AGPS: variants seen among roughly 807,000 people sequenced by gnomAD.
AGPS encodes alkyldihydroxyacetonephosphate synthase, peroxisomal.
AGPS carries 26 observed loss-of-function variants against 90.7 expected under a neutral mutation model. The ratio of observed to expected loss-of-function variants is 0.29; its 90% CI spans 0.21 to 0.40. The LOEUF is 0.40. Among genes scored for constraint, AGPS ranks in the 10% least tolerant of loss-of-function variants. The pLI, the probability that AGPS is intolerant of heterozygous loss-of-function variation, is 1.00. For missense variants in AGPS, 540 were observed against 816.1 expected, an observed-to-expected ratio of 0.66 and a Z score of 4.12; for synonymous variants, 294 against 285.3, an observed-to-expected ratio of 1.03 and a Z score of -0.31.
chr2:177,521,063 T>C (rs1228019591), intron 17 of AGPS, among the ~76,000 whole-genome samples: 1 of 152,212 alleles, frequency 6.6e-6, no homozygotes, highest in Non-Finnish European at 1.5e-5. Context: ...AAAATTCTTG[T>C]TTTGCACTGC....
At chr2:177,462,051 G>T in intron 9 of AGPS, 33 bp downstream of exon 9, 1 of 1,502,818 alleles carries the variant, frequency 6.7e-7, no homozygotes, top group South Asian at 1.1e-5. Context: ...TGTAATAATT[G>T]ATTAGTATAT....
At chr2:177,472,682 C>T (rs1687664179) in intron 10 of AGPS, among the ~76,000 whole-genome samples, 1 of 152,114 alleles carries the variant, frequency 6.6e-6, no homozygotes, top group African/African-American at 2.4e-5. Flanking sequence ...TCTTTCCTGA[C>T]ACTTCTACCC....
chr2:177,481,442 G>A (rs929524809), intron 10 of AGPS, among the ~76,000 whole-genome samples: 1 of 150,146 alleles, frequency 6.7e-6, no homozygotes, highest in Admixed American at 6.6e-5. Flanking sequence ...TTTTTAAAGA[G>A]CATTTCTTTT....
chr2:177,437,160 A>G lies in AGPS; in HGVS notation c.637+106A>G, dbSNP rs192600490. Reference sequence around the variant, plus strand: ...GGCATATGAGTTGTAAAAAATATAAATTGCTGTATTTTTAAGAGAGTTTAC... The same window carrying G: ...GGCATATGAGTTGTAAAAAATATAAGTTGCTGTATTTTTAAGAGAGTTTAC... On this transcript the variant is annotated intron_variant, in intron 5 of 19. Transcript: ENST00000264167. The G allele has an allele frequency of 3.2e-3, 3,476 of 1,076,276 alleles. 14 individuals carry two copies. Among genetic ancestry groups the G allele is most frequent in the Non-Finnish European group, 4.1e-3 (2,873 of 704,194 alleles). 66.7% of individuals were successfully genotyped at this position (1,076,276 alleles called of 1,614,324 possible).
chr2:177,460,008 C>T (rs1687243872), intron 8 of AGPS, among the ~76,000 whole-genome samples: 1 of 152,282 alleles, frequency 6.6e-6, no homozygotes, highest in Non-Finnish European at 1.5e-5. Flanking sequence ...AGTTCATGTC[C>T]TTTGTGGGGA....
chr2:177,464,233 G>A (rs1687382352), intron 9 of AGPS, among the ~76,000 whole-genome samples: 1 of 152,154 alleles, frequency 6.6e-6, no homozygotes. Context: ...GAGCCACCGT[G>A]CCCAGCCAGC....
rs761638262 is a variant in AGPS at position 177,482,162 on chromosome 2, C to T, written c.1209C>T (p.Ala403=). 84 of 1,597,476 alleles carry T rather than the reference C, an allele frequency of 5.3e-5. No homozygotes were observed. Among genetic ancestry groups the T allele is most frequent in the Middle Eastern group, 1.7e-4 (1 of 5,948 alleles). ...VAFPNFEQGV[A]CLREIAKQRC... ...TCCCTAATTTTGAACAAGGAGTAGC[C>T]TGTTTAAGAGAAATTGCAAAACAGG... is the stretch of plus-strand genomic sequence containing the variant. The change falls in exon 11 of 20, where the codon GCC becomes GCT. Residue 403 remains alanine (A), a synonymous_variant. Transcript: ENST00000264167.
At chr2:177,445,476 A>G (rs1456741043) in intron 7 of AGPS, 70 bp from the exon 8 acceptor site, 3 of 1,330,438 alleles carry the variant, frequency 2.3e-6, no homozygotes, top group East Asian at 2.3e-5. Flanking sequence ...GCTTTGAATT[A>G]GGAAGTTATA....
intron 12 of AGPS, among the ~76,000 whole-genome samples, chr2:177,495,108 G>GAT (rs1202860106): frequency 1.3e-5 from 2 of 152,050 alleles, no homozygotes; most frequent in Non-Finnish European, 2.9e-5. Context: ...ATATTGAAAT[G>GAT]ATATATATCA....
At chr2:177,493,984 A>G (rs1175068739) in intron 12 of AGPS, among the ~76,000 whole-genome samples, 7 of 152,326 alleles carry the variant, frequency 4.6e-5, no homozygotes, top group African/African-American at 1.7e-4. Flanking sequence ...CAACACCTAG[A>G]CTGATTTGAT....
intron 15 of AGPS, 44 bp downstream of exon 15, chr2:177,505,619 A>G (rs1368174520): frequency 6.5e-7 from 1 of 1,538,260 alleles, no homozygotes; most frequent in East Asian, 2.3e-5. Flanking sequence ...TTATGTTGCA[A>G]ACAATACTTT....
rs2079248314 is a variant in AGPS at position 177,542,734 on chromosome 2, A to G, written c.*4539A>G. 2 of 152,178 alleles carry G rather than the reference A, an allele frequency of 1.3e-5. No individual in the cohort carries two copies. The highest frequency in any genetic ancestry group is 6.5e-5 in the Admixed American group (1 of 15,280). 9.4% of individuals were successfully genotyped at this position (152,178 alleles called of 1,614,324 possible). ...ACATGTTTTTCCTTTAATCTTGTTC[A>G]CATATCAGAAAAGGACATGAAATGC... is the stretch of plus-strand genomic sequence containing the variant. On this transcript the variant is annotated 3_prime_UTR_variant, in exon 20 of 20. Transcript: ENST00000264167.
At chr2:177,458,444 T>A (rs1360049089) in intron 8 of AGPS, among the ~76,000 whole-genome samples, 1 of 152,170 alleles carries the variant, frequency 6.6e-6, no homozygotes, top group African/African-American at 2.4e-5. Flanking sequence ...GAAAACCCCA[T>A]CGTCTCAGCC....
chr2:177,505,691 T>TA, intron 15 of AGPS, 116 bp downstream of exon 15: 1 of 905,746 alleles, frequency 1.1e-6, no homozygotes, highest in Non-Finnish European at 1.8e-6. Flanking sequence ...CTACTGTAAT[T>TA]TAGCATATCA....
Position 177,477,958 on chromosome 2 carries a change from C to A in AGPS, c.1106-4101C>A, listed in dbSNP as rs1369863727. ...TGGTATTACATAAAATAGAAGAAGA[C>A]TCAAAAGTGCTCTTTTTTGTATATA... On this transcript the variant is annotated intron_variant, in intron 10 of 19. Transcript: ENST00000264167. 2.0e-5 allele frequency among the ~76,000 whole-genome samples: 3 copies of A among 152,148 alleles called. No individual in the cohort carries two copies. In the East Asian group the frequency reaches 5.8e-4, roughly 29 times the overall value.
At chr2:177,445,397 T>C (rs1686738091) in intron 7 of AGPS, 149 bp from the exon 8 acceptor site, 2 of 690,372 alleles carry the variant, frequency 2.9e-6, no homozygotes, top group Non-Finnish European at 2.6e-6. Flanking sequence ...CTGGGATAAG[T>C]GGACTTGGTT....
chr2:177,457,048 C>T (rs1687138784), intron 8 of AGPS, among the ~76,000 whole-genome samples: 1 of 152,190 alleles, frequency 6.6e-6, no homozygotes, highest in African/African-American at 2.4e-5. Flanking sequence ...TCACTCAAAA[C>T]CGCACAACTA....
intron 16 of AGPS, among the ~76,000 whole-genome samples, chr2:177,511,683 T>G (rs1688877982): frequency 6.6e-6 from 1 of 152,200 alleles, no homozygotes; most frequent in Non-Finnish European, 1.5e-5. Context: ...AGTAAGAATT[T>G]GAAAATATGC....
chr2:177,516,089 C>T (rs989977827), intron 17 of AGPS, among the ~76,000 whole-genome samples: 1 of 152,110 alleles, frequency 6.6e-6, no homozygotes, highest in Non-Finnish European at 1.5e-5. Context: ...ACTTAACAAA[C>T]GTGTGCATAG....
Sources: allele counts gnomAD v4.1 joint callset (sites outside exome capture counted in the v4.1 genomes callset), GRCh38; gene constraint gnomAD v4.1.1; transcripts MANE v1.5; gene names NCBI Gene and HGNC (gene_info 2026-07-23, HGNC 2026-07-21).